The following KCNMA1 variants were observed in gnomAD, a reference collection of about 807,000 sequenced individuals.
KCNMA1 encodes the protein potassium calcium-activated channel subfamily M alpha 1.
KCNMA1 carries 29 observed loss-of-function variants against 140.0 expected under a neutral mutation model. The observed-to-expected ratio is 0.21, with a 90% confidence interval of 0.15 to 0.28. The LOEUF (loss-of-function observed/expected upper bound fraction) is 0.28. KCNMA1 is among the 10% of genes least tolerant of loss of function. KCNMA1 has a pLI of 1.00. For missense variants in KCNMA1, 880 were observed against 1,602.2 expected, an observed-to-expected ratio of 0.55 and a Z score of 7.70; for synonymous variants, 612 against 611.9, an observed-to-expected ratio of 1.00 and a Z score of 0.00.
chr10:77,272,874 C>G (rs2065561872), intron 2 of KCNMA1, among the ~76,000 whole-genome samples: 1 of 152,160 alleles, frequency 6.6e-6, no homozygotes, highest in Non-Finnish European at 1.5e-5. Context: ...TGGCACTTAT[C>G]TTAGTAAACA....
rs148208875 is a variant in KCNMA1, at chr10:76,954,962, G to A, written c.2361-1038C>T. Among the ~76,000 whole-genome samples, 26 of 152,300 alleles carry A rather than the reference G, an allele frequency of 1.7e-4. No individual in the cohort carries two copies. The East Asian group carries it at 4.1e-3, about 24-fold the overall frequency. ...AATGTCCATGCTTTTATCTCTGATA[G>A]TGATTCAGCACCTCGGGTTTGGGAA... On this transcript the variant is annotated intron_variant, in intron 20 of 27. Transcript: ENST00000286628.
At chr10:77,474,945 G>C (rs1374739930) in intron 1 of KCNMA1, among the ~76,000 whole-genome samples, 1 of 152,176 alleles carries the variant, frequency 6.6e-6, no homozygotes, top group Non-Finnish European at 1.5e-5. Context: ...TGGGTAGCAA[G>C]GGGCAGCCTC....
At chr10:77,248,558 G>A (rs80127099) in intron 3 of KCNMA1, among the ~76,000 whole-genome samples, 4,358 of 152,188 alleles carry the variant, frequency 0.029, 216 homozygotes, top group East Asian at 0.22. Context: ...TAACTTCCAC[G>A]AGAAGTTTAA....
At chr10:77,153,483 C>T (rs548029264) in intron 5 of KCNMA1, among the ~76,000 whole-genome samples, 1 of 152,164 alleles carries the variant, frequency 6.6e-6, no homozygotes, top group South Asian at 2.1e-4. Flanking sequence ...AGGATCCTTT[C>T]ACCTCAGCGT....
At chr10:77,534,287 T>A (rs2058359610) in intron 1 of KCNMA1, among the ~76,000 whole-genome samples, 1 of 152,132 alleles carries the variant, frequency 6.6e-6, no homozygotes, top group African/African-American at 2.4e-5. Flanking sequence ...CCAAGTAGAA[T>A]GTAGTCATAA....
intron 25 of KCNMA1, among the ~76,000 whole-genome samples, chr10:76,898,874 G>GAA (rs2043812125): frequency 6.6e-6 from 1 of 151,696 alleles, no homozygotes; most frequent in African/African-American, 2.4e-5. Flanking sequence ...AAAGCAGGAT[G>GAA]AAAAGTGTCA....
At chr10:77,376,940 A>C (rs2095149528) in intron 2 of KCNMA1, among the ~76,000 whole-genome samples, 1 of 43,444 alleles carries the variant, frequency 2.3e-5, no homozygotes, top group Non-Finnish European at 5.5e-5. Context: ...TCCCTCTCAA[A>C]ATAAATAAAT....
At chr10:77,171,386 C>CGTGTGTGT (rs371170620) in intron 5 of KCNMA1, among the ~76,000 whole-genome samples, 1 of 137,050 alleles carries the variant, frequency 7.3e-6, no homozygotes, top group Non-Finnish European at 1.5e-5. Context: ...AGTACGTGTG[C>CGTGTGTGT]GTGTGTGTGT....
chr10:77,087,781 T>C (rs533435574), intron 10 of KCNMA1, among the ~76,000 whole-genome samples: 29 of 152,288 alleles, frequency 1.9e-4, no homozygotes, highest in Admixed American at 1.8e-3. Context: ...GGAGATGATA[T>C]TTAGTTAGAA....
downstream of KCNMA1, among the ~76,000 whole-genome samples, chr10:76,883,154 C>T (rs2035339435): frequency 6.6e-6 from 1 of 152,106 alleles, no homozygotes; most frequent in African/African-American, 2.4e-5. Flanking sequence ...AGGGCTATTC[C>T]CCTTTCTCAG....
At position 76,944,804 on chromosome 10, in the gene KCNMA1, G is replaced by A. The variant is rs200884899; in HGVS notation, c.2871C>T (p.Asp957=). 3.1e-6 allele frequency: 5 copies of A among 1,614,176 alleles called. No homozygotes were observed. The South Asian group carries it at 4.4e-5, about 14-fold the overall frequency. The change falls in exon 23 of 28, where the codon GAC becomes GAT. Residue 957 remains aspartate, a synonymous_variant. Coordinates refer to ENST00000286628, the MANE Select transcript of KCNMA1 (RefSeq NM_001161352.2). ...SLNIKSMQFD[D]SIGVLQANSQ... ...AATTAGCCTGCAAGACTCCGATGCT[G>A]TCATCAAACTGCATAGATTTGATGT...
At chr10:77,483,299 C>T (rs1372100199) in intron 1 of KCNMA1, among the ~76,000 whole-genome samples, 3 of 152,220 alleles carry the variant, frequency 2.0e-5, no homozygotes, top group African/African-American at 7.2e-5. Flanking sequence ...AAGGGAAGGA[C>T]ATCCGGCAGT....
intron 6 of KCNMA1, among the ~76,000 whole-genome samples, chr10:77,117,561 A>AAAAAAAG (rs1554837398): frequency 2.7e-5 from 4 of 147,552 alleles, no homozygotes; most frequent in African/African-American, 7.8e-5. Flanking sequence ...AAAAAAAAAA[A>AAAAAAAG]AAAAGAAAAG....
chr10:76,872,269 A>C (rs1392104377), downstream of KCNMA1: 1 of 152,236 alleles, frequency 6.6e-6, no homozygotes, highest in East Asian at 1.9e-4. Context: ...GACAGAAAGC[A>C]AAGCAAAATG....
At chr10:77,468,907 A>G (rs1234139681) in intron 1 of KCNMA1, among the ~76,000 whole-genome samples, 3 of 152,110 alleles carry the variant, frequency 2.0e-5, no homozygotes, top group African/African-American at 7.2e-5. Flanking sequence ...TCTTAACCCA[A>G]CCTGGTCTCT....
In KCNMA1 at chr10:77,238,561, C is replaced by G. The variant is rs553199; in HGVS notation, c.602+12634G>C. 6.6e-6 allele frequency among the ~76,000 whole-genome samples: 1 copy of G among 151,990 alleles called. No homozygotes were observed. The highest frequency in any genetic ancestry group is 1.9e-4 in the East Asian group (1 of 5,178). ...CCCTCCCAGAGTTTCCTTAGCATCA[C>G]CTGTCATTGTTGAGATTTTGAATGC... On this transcript the variant is annotated intron_variant, in intron 3 of 27. Coordinates refer to ENST00000286628, the MANE Select transcript of KCNMA1 (RefSeq NM_001161352.2).
Position 76,887,497 on chromosome 10 carries a change from C to T in KCNMA1, c.3480G>A (p.Pro1160=), listed in dbSNP as rs202172473. 17 of 1,613,930 alleles carry T rather than the reference C, an allele frequency of 1.1e-5. No individual in the cohort carries two copies. The highest frequency in any genetic ancestry group is 4.0e-5 in the African/African-American group (3 of 74,874). The change falls in exon 28 of 28, where the codon CCG becomes CCA. Residue 1160 remains proline (P), a synonymous_variant. Transcript: ENST00000286628. The stretch of plus-strand genomic sequence containing the variant: ...TCGGCACGAGCTCAAACTCATAGGG[C>T]GGGTTGGTGATGACATACCTGGACA... ...QCTKRYVITN[P]PYEFELVPTD...
At chr10:77,027,641 G>A (rs1197608831) in intron 16 of KCNMA1, among the ~76,000 whole-genome samples, 182 bp downstream of exon 16, 1 of 152,180 alleles carries the variant, frequency 6.6e-6, no homozygotes, top group Non-Finnish European at 1.5e-5. Context: ...AGGCTGGTCT[G>A]GCATAGAAGC....
At chr10:77,486,684 T>A (rs1043749750) in intron 1 of KCNMA1, among the ~76,000 whole-genome samples, 1 of 152,210 alleles carries the variant, frequency 6.6e-6, no homozygotes, top group African/African-American at 2.4e-5. Flanking sequence ...CTGTCACTCC[T>A]GAAGCCAGGG....
Sources: gnomAD v4.1 joint callset for allele counts (sites outside exome capture counted in the v4.1 genomes callset) on GRCh38, gnomAD v4.1.1 for gene constraint, MANE v1.5 for transcripts, NCBI Gene and HGNC (gene_info 2026-07-23, HGNC 2026-07-21) for gene names.